RIMS1: variants seen among roughly 807,000 people sequenced by gnomAD.
RIMS1 encodes the protein regulating synaptic membrane exocytosis 1.
A neutral mutation model predicts 214.1 loss-of-function variants in RIMS1; 83 were observed. The observed-to-expected ratio is 0.39, with a 90% CI of 0.32 to 0.47. The LOEUF is 0.47. Among genes scored for constraint, RIMS1 ranks in the 20% least tolerant of loss-of-function variants. The pLI is 0.99. For synonymous variants in RIMS1, 793 were observed against 786.8 expected (o/e 1.01, Z -0.13); for missense variants, 2,050 against 2,161.8 (o/e 0.95, Z 1.03).
At chr6:72,059,347 C>T (rs1252127609) in intron 2 of RIMS1, among the ~76,000 whole-genome samples, 1 of 152,190 alleles carries the variant, frequency 6.6e-6, no homozygotes, top group Non-Finnish European at 1.5e-5. Context: ...CCTCCTCTGC[C>T]TCCTGAGTAG....
chr6:72,269,475 C>T (rs143552008), intron 22 of RIMS1, among the ~76,000 whole-genome samples: 2 of 152,172 alleles, frequency 1.3e-5, no homozygotes, highest in African/African-American at 2.4e-5. Context: ...CAACCCTCCA[C>T]TATGATTGAC....
intron 1 of RIMS1, among the ~76,000 whole-genome samples, chr6:71,961,032 G>C (rs1210397056): frequency 5.9e-5 from 9 of 152,124 alleles, no homozygotes; most frequent in Non-Finnish European, 1.2e-4. Context: ...AGCCCTCTCA[G>C]ATGTCTCCCT....
At chr6:72,383,701 G>T (rs2098536073) in intron 29 of RIMS1, among the ~76,000 whole-genome samples, 1 of 151,604 alleles carries the variant, frequency 6.6e-6, no homozygotes, top group African/African-American at 2.4e-5. Flanking sequence ...GAGAGGAGAG[G>T]ATCGCTTGAG....
At chr6:72,324,830 C>T (rs1452168205) in intron 28 of RIMS1, among the ~76,000 whole-genome samples, 5 of 151,756 alleles carry the variant, frequency 3.3e-5, no homozygotes, top group Non-Finnish European at 7.4e-5. Flanking sequence ...CCCGCCACAA[C>T]AATTGAGTGG....
chr6:72,067,724 A>G (rs1313733845), intron 2 of RIMS1, among the ~76,000 whole-genome samples: 1 of 152,236 alleles, frequency 6.6e-6, no homozygotes, highest in Non-Finnish European at 1.5e-5. Flanking sequence ...TTTGCAATAT[A>G]GATTTGTCAA....
At chr6:72,387,060 C>T (rs1022861948) in intron 29 of RIMS1, among the ~76,000 whole-genome samples, 13 of 152,072 alleles carry the variant, frequency 8.5e-5, no homozygotes, top group African/African-American at 2.2e-4. Flanking sequence ...TGTATACACA[C>T]GCAAACTAGA....
Position 72,155,792 on chromosome 6 carries a change from G to A in RIMS1, c.472-23783G>A, listed in dbSNP as rs2044361408. Among the ~76,000 whole-genome samples the A allele has an allele frequency of 1.4e-5, 2 of 140,280 alleles. 1 individual carries two copies. The allele number at this position is 140,280 out of a possible 152,430, so 92.0% of individuals were successfully genotyped here. On this transcript the variant is annotated intron_variant, in intron 4 of 33. Coordinates refer to ENST00000521978, the MANE Select transcript of RIMS1 (RefSeq NM_014989.7). ...CACCAGGTTCCTCCCATGACATGTG[G>A]GAATTATGGGAGTTACAACTCAAGA...
intron 26 of RIMS1, among the ~76,000 whole-genome samples, chr6:72,304,177 TTTAG>T (rs2094920048): frequency 1.3e-5 from 2 of 151,706 alleles, no homozygotes; most frequent in South Asian, 4.1e-4. Flanking sequence ...ATTTTAATGA[TTTAG>T]TTAGTTTACA....
rs762108313 is a variant in RIMS1 at position 72,242,380 on chromosome 6, T to G, written c.2024T>G (p.Ile675Ser). ...GCTACAAATGAAGAAGTTTACAACATTATTTTAGAATCAAAATCAGAACCT... is the reference window on the plus strand; with the variant it reads ...GCTACAAATGAAGAAGTTTACAACAGTATTTTAGAATCAAAATCAGAACCT... The part of the protein sequence containing the change: ...PGATNEEVYN[I>S]ILESKSEPQV... The change falls in exon 10 of 34, where the codon ATT becomes AGT. Residue 675 changes from isoleucine to serine, a missense_variant. Coordinates refer to ENST00000521978, the MANE Select transcript of RIMS1 (RefSeq NM_014989.7). The G allele has an allele frequency of 6.4e-7, 1 of 1,562,914 alleles. No homozygotes were observed. Among genetic ancestry groups the G allele is most frequent in the Non-Finnish European group, 8.7e-7 (1 of 1,151,396 alleles).
chr6:71,971,931 A>G (rs2151379458), intron 2 of RIMS1, among the ~76,000 whole-genome samples: 1 of 152,300 alleles, frequency 6.6e-6, no homozygotes, highest in Non-Finnish European at 1.5e-5. Flanking sequence ...AGATTTTCAT[A>G]TAGTGATTTT....
At chr6:71,981,308 C>A (rs1287306225) in intron 2 of RIMS1, among the ~76,000 whole-genome samples, 1 of 152,086 alleles carries the variant, frequency 6.6e-6, no homozygotes, top group Non-Finnish European at 1.5e-5. Context: ...AAAAGAAAAT[C>A]ATTTGCTCAT....
intron 4 of RIMS1, among the ~76,000 whole-genome samples, chr6:72,122,077 C>T (rs2038468695): frequency 6.6e-6 from 1 of 151,622 alleles, no homozygotes; most frequent in African/African-American, 2.4e-5. Context: ...GAGGAATTTT[C>T]TTATAGATGT....
chr6:71,961,161 C>A (rs1257089257), intron 1 of RIMS1, among the ~76,000 whole-genome samples: 1 of 152,034 alleles, frequency 6.6e-6, no homozygotes, highest in Non-Finnish European at 1.5e-5. Context: ...ATTCTCTAAA[C>A]CTTTCCAAAA....
chr6:72,306,058 A>AC (rs1473054243), intron 26 of RIMS1, among the ~76,000 whole-genome samples: 3 of 152,146 alleles, frequency 2.0e-5, no homozygotes, highest in Non-Finnish European at 4.4e-5. Flanking sequence ...ATGATAGGCC[A>AC]CATTTAGTCA....
At chr6:72,322,365 T>C (rs766052952) in intron 28 of RIMS1, among the ~76,000 whole-genome samples, 22 of 152,132 alleles carry the variant, frequency 1.4e-4, no homozygotes, top group Non-Finnish European at 8.8e-5. Flanking sequence ...AGCTATTCAG[T>C]ATAATTTACA....
chr6:72,331,650 A>G (rs1371597328), intron 28 of RIMS1, among the ~76,000 whole-genome samples: 1 of 151,872 alleles, frequency 6.6e-6, no homozygotes, highest in Non-Finnish European at 1.5e-5. Flanking sequence ...ATCAGGAAAG[A>G]AAGTCTCCTG....
rs188055806 is a variant in RIMS1, at chr6:71,921,134, T to C, written c.164+33947T>C. Among the ~76,000 whole-genome samples the C allele has an allele frequency of 5.9e-3, 895 of 152,232 alleles. 8 individuals are homozygous for C. The highest frequency in any genetic ancestry group is 0.02 in the African/African-American group (837 of 41,532). On this transcript the variant is annotated intron_variant, in intron 1 of 33. Transcript: ENST00000521978. ...TTCAATACAAGCCATTATTTTATTTTATTTTATTTTTTGAGACAGAGTCTT... is the reference window on the plus strand; with the variant it reads ...TTCAATACAAGCCATTATTTTATTTCATTTTATTTTTTGAGACAGAGTCTT...
chr6:72,159,448 A>T (rs1281995313), intron 4 of RIMS1, among the ~76,000 whole-genome samples: 2 of 140,604 alleles, frequency 1.4e-5, no homozygotes, highest in East Asian at 2.0e-4. Context: ...GGTGTTTTAG[A>T]CATGAAGTCC....
At chr6:72,335,780 T>C (rs2096823570) in intron 29 of RIMS1, among the ~76,000 whole-genome samples, 1 of 152,058 alleles carries the variant, frequency 6.6e-6, no homozygotes, top group South Asian at 2.1e-4. Context: ...TGGTGTGAGA[T>C]GGTATCTCAT....
Sources: allele counts gnomAD v4.1 joint callset (sites outside exome capture counted in the v4.1 genomes callset), GRCh38; gene constraint gnomAD v4.1.1; transcripts MANE v1.5; gene names NCBI Gene and HGNC (gene_info 2026-07-23, HGNC 2026-07-21).